Variants in SYNE1 observed in about 807,000 individuals in gnomAD.
SYNE1 encodes spectrin repeat containing nuclear envelope protein 1, also known as nesprin-1.
A neutral mutation model predicts 1,111.0 loss-of-function variants in SYNE1; 616 were observed. That is an observed-to-expected ratio of 0.55 (90% CI 0.52 to 0.59). SYNE1 has a LOEUF of 0.59. Ranked by LOEUF, SYNE1 falls within the 20% of genes least tolerant of loss-of-function variation. SYNE1 has a pLI of 0.00. For missense variants in SYNE1, 10,006 were observed against 10,417.0 expected, an observed-to-expected ratio of 0.96 and a Z score of 1.72; for synonymous variants, 3,855 against 3,825.8, an observed-to-expected ratio of 1.01 and a Z score of -0.28.
chr6:152,442,232 C>A lies in SYNE1; in HGVS notation c.3851G>T (p.Arg1284Leu). 1 of 1,613,110 alleles carries A rather than the reference C, an allele frequency of 6.2e-7. No individual in the cohort carries two copies. The highest frequency in any genetic ancestry group is 1.1e-5 in the South Asian group (1 of 91,088). The part of the protein sequence containing the change: ...LLLHHQQKTK[R>L]ISAKKRDVQQ... ...CACATCTCTCTTCTTTGCTGAGATC[C>A]GCTTTGTCTTTTGCTAGAAGCATTT... Residue 1284 changes from arginine (R) to leucine (L), a missense_variant, in exon 31 of 146, where the codon CGG becomes CTG. Physicochemically the swap from Arg to Leu is moderately radical, Grantham distance 102. Around this residue, in one of 7 missense-constraint regions of SYNE1, gnomAD observed 1,971 missense variants for 2,084.1 expected, o/e 0.95. Coordinates refer to ENST00000367255, the MANE Select transcript of SYNE1 (RefSeq NM_182961.4).
At chr6:152,293,540 A>T in intron 95 of SYNE1, 48 bp downstream of exon 95, 1 of 1,608,812 alleles carries the variant, frequency 6.2e-7, no homozygotes, top group Non-Finnish European at 8.5e-7. Flanking sequence ...CAGTCACAAC[A>T]GTGCCTTATT....
Position 152,401,306 on chromosome 6 carries a change from A to G in SYNE1, c.6861T>C (p.His2287=). ...IEADLMQKLE[H]AKEITEVAKG... ...TTGCTACTTCAGTTATTTCTTTGGC[A>G]TGCTCCAGTTTCTGCATTAAGTCTG... Residue 2287 remains histidine (H), a synonymous_variant, in exon 47 of 146, where the codon CAT becomes CAC. Transcript: ENST00000367255. The G allele has an allele frequency of 6.2e-7, 1 of 1,613,984 alleles. No homozygotes were observed. The highest frequency in any genetic ancestry group is 8.5e-7 in the Non-Finnish European group (1 of 1,180,020).
chr6:152,454,592 A>G (rs928972233), intron 24 of SYNE1, among the ~76,000 whole-genome samples: 1 of 152,240 alleles, frequency 6.6e-6, no homozygotes, highest in Non-Finnish European at 1.5e-5. Flanking sequence ...AGTCAAGTAG[A>G]TAAAGACAAT....
chr6:152,389,445 A>C (rs1262202429), intron 53 of SYNE1, among the ~76,000 whole-genome samples: 1 of 152,130 alleles, frequency 6.6e-6, no homozygotes, highest in Non-Finnish European at 1.5e-5. Flanking sequence ...TTATGATCAC[A>C]TTGGGCACCC....
chr6:152,317,113 A>G (rs1395093151), intron 86 of SYNE1, 127 bp from the exon 87 acceptor site: 3 of 1,048,030 alleles, frequency 2.9e-6, no homozygotes, highest in African/African-American at 1.6e-5. Context: ...ATGATATTCA[A>G]TGGTATCAAA....
chr6:152,363,338 CAAA>C (rs1464553462), intron 63 of SYNE1, among the ~76,000 whole-genome samples: 1 of 148,120 alleles, frequency 6.8e-6, no homozygotes, highest in Non-Finnish European at 1.5e-5. Flanking sequence ...ACTAAAAATA[CAAA>C]AAATTAGCCG....
intron 64 of SYNE1, among the ~76,000 whole-genome samples, chr6:152,360,464 G>A (rs1241395188): frequency 6.6e-6 from 1 of 152,152 alleles, no homozygotes; most frequent in Non-Finnish European, 1.5e-5. Context: ...GTTTCAGAGA[G>A]GCCTTTCCTG....
At chr6:152,238,487 GTC>G (rs1476841234) in intron 108 of SYNE1, among the ~76,000 whole-genome samples, 1 of 152,172 alleles carries the variant, frequency 6.6e-6, no homozygotes, top group East Asian at 1.9e-4. Flanking sequence ...AAAGGTAGAT[GTC>G]TCTCCAAAAT....
At chr6:152,504,838 T>G (rs922214411) in intron 9 of SYNE1, among the ~76,000 whole-genome samples, 40 of 152,232 alleles carry the variant, frequency 2.6e-4, no homozygotes, top group African/African-American at 9.4e-4. Context: ...TTTCTAAGTA[T>G]GAATAATCTA....
intron 126 of SYNE1, among the ~76,000 whole-genome samples, chr6:152,205,955 G>C (rs1223581639): frequency 6.6e-6 from 1 of 152,154 alleles, no homozygotes; most frequent in Non-Finnish European, 1.5e-5. Flanking sequence ...ACTTTGTTGG[G>C]AGGTTGTCCT....
chr6:152,163,418 A>G (rs2813496), intron 131 of SYNE1, among the ~76,000 whole-genome samples: 126,330 of 150,900 alleles, frequency 0.84, 52,971 homozygotes, highest in Middle Eastern at 0.88. Flanking sequence ...AGAATCGCTT[A>G]AACCTGGGAA....
rs749491819 is a variant in SYNE1 at position 152,350,363 on chromosome 6, G to C, written c.11734-28C>G. On this transcript the variant is annotated intron_variant, in intron 71 of 145. Transcript: ENST00000367255. ...GCAAAACCAGGTGTCCATCAGAGATGACTTTCAAGTGAAAAACCTACTCAA... is the reference window on the plus strand; with the variant it reads ...GCAAAACCAGGTGTCCATCAGAGATCACTTTCAAGTGAAAAACCTACTCAA... 3 of 1,613,848 alleles carry C rather than the reference G, an allele frequency of 1.9e-6. No individual in the cohort carries two copies. In the African/African-American group the frequency reaches 4.0e-5, roughly 22 times the overall value.
chr6:152,446,508 G>T (rs1477234013), intron 29 of SYNE1, among the ~76,000 whole-genome samples: 1 of 152,050 alleles, frequency 6.6e-6, no homozygotes, highest in Non-Finnish European at 1.5e-5. Flanking sequence ...AGATTTAAAT[G>T]GATTAAAAAC....
chr6:152,308,563 G>A lies in SYNE1; in HGVS notation c.17272C>T (p.His5758Tyr). ...ACAGGTTTATCCTCAATCTCTCTGT[G>A]AGCTCCTTCTATCAGTTGCTGGAGA... is the stretch of plus-strand genomic sequence containing the variant. Reference protein sequence around the residue: ...KHLQQLIEGAHREIEDKPVAT... With the variant: ...KHLQQLIEGAYREIEDKPVAT... Residue 5758 changes from histidine (H) to tyrosine (Y), a missense_variant, in exon 91 of 146, where the codon CAC becomes TAC. Transcript: ENST00000367255. 1.2e-6 allele frequency: 2 copies of A among 1,613,422 alleles called. No homozygotes were observed. The highest frequency in any genetic ancestry group is 1.3e-5 in the African/African-American group (1 of 74,780).
At chr6:152,321,207 GA>G in intron 84 of SYNE1, 30 bp downstream of exon 84, 2 of 1,611,924 alleles carry the variant, frequency 1.2e-6, no homozygotes, top group Non-Finnish European at 8.5e-7. Context: ...AAACAAAATG[GA>G]AAGACACTCT....
In SYNE1 at chr6:152,309,877, G is replaced by A. The variant is rs1298068394; in HGVS notation, c.17160C>T (p.Ser5720=). Residue 5720 remains serine, a synonymous_variant, in exon 90 of 146, where the codon AGC becomes AGT. Coordinates refer to ENST00000367255, the MANE Select transcript of SYNE1 (RefSeq NM_182961.4). ...HAALRLQEEA[S]RLQHTAIQQC... ...GCTGGATGGCGGTGTGCTGCAGCCG[G>A]CTGGCCTCTTCCTGCAGCCGCAGAG... 1.9e-6 allele frequency: 3 copies of A among 1,614,000 alleles called. No individual in the cohort carries two copies. The highest frequency in any genetic ancestry group is 2.7e-5 in the African/African-American group (2 of 75,054).
At chr6:152,291,765 G>A (rs2094616420) in intron 95 of SYNE1, among the ~76,000 whole-genome samples, 1 of 152,174 alleles carries the variant, frequency 6.6e-6, no homozygotes. Flanking sequence ...GAACAAAGGT[G>A]GAGATGTCCT....
At chr6:152,320,840 A>G (rs2095854335) in intron 84 of SYNE1, among the ~76,000 whole-genome samples, 1 of 151,994 alleles carries the variant, frequency 6.6e-6, no homozygotes, top group Non-Finnish European at 1.5e-5. Context: ...TATTTCTTTG[A>G]TTTTTCCCTT....
intron 24 of SYNE1, among the ~76,000 whole-genome samples, chr6:152,454,663 T>G (rs1488524386): frequency 6.6e-6 from 1 of 152,238 alleles, no homozygotes; most frequent in Non-Finnish European, 1.5e-5. Context: ...ACATGCAGAA[T>G]TATTTTGTAA....
Sources: gnomAD v4.1 joint callset for allele counts (sites outside exome capture counted in the v4.1 genomes callset) on GRCh38, gnomAD v4.1.1 for gene constraint, gnomAD v4.1.1 regional missense constraint, MANE v1.5 for transcripts, NCBI Gene and HGNC (gene_info 2026-07-23, HGNC 2026-07-21) for gene names.